CPA6: variants seen among roughly 807,000 people sequenced by gnomAD.
CPA6 encodes the protein carboxypeptidase B.
CPA6 carries 58 observed loss-of-function variants against 63.3 expected under a neutral mutation model. The observed-to-expected ratio is 0.92, with a 90% CI of 0.74 to 1.14. CPA6 has a LOEUF of 1.14. Among genes scored for constraint, CPA6 ranks in the 50% most tolerant of loss-of-function variants. The pLI, the probability that CPA6 is intolerant of heterozygous loss-of-function variation, is 0.00. For missense variants in CPA6, 565 were observed against 526.6 expected (o/e 1.07, Z -0.71); for synonymous variants, 185 against 179.0 (o/e 1.03, Z -0.27).
intron 2 of CPA6, among the ~76,000 whole-genome samples, chr8:67,549,193 A>C (rs1190925195): frequency 6.6e-6 from 1 of 152,218 alleles, no homozygotes; most frequent in East Asian, 1.9e-4. Context: ...AAATAATCAG[A>C]AATATACTGA....
intron 1 of CPA6, among the ~76,000 whole-genome samples, chr8:67,713,092 T>G (rs1817299604): frequency 1.0e-5 from 1 of 95,898 alleles, no homozygotes. Context: ...TATGTGTGTG[T>G]GTGTGTGTAT....
intron 2 of CPA6, among the ~76,000 whole-genome samples, chr8:67,588,051 A>G (rs1390318188): frequency 6.6e-6 from 1 of 152,170 alleles, no homozygotes; most frequent in Non-Finnish European, 1.5e-5. Flanking sequence ...TTCATCTTAA[A>G]GCAGAAGCCT....
At chr8:67,491,671 C>G (rs1324292391) in intron 6 of CPA6, among the ~76,000 whole-genome samples, 2 of 152,120 alleles carry the variant, frequency 1.3e-5, no homozygotes, top group Non-Finnish European at 2.9e-5. Context: ...GCCAGGACAA[C>G]TTTGGTATTG....
chr8:67,437,351 C>T (rs1178647139), intron 8 of CPA6, among the ~76,000 whole-genome samples: 2 of 152,016 alleles, frequency 1.3e-5, no homozygotes, highest in African/African-American at 4.8e-5. Context: ...GCGGAGCTTG[C>T]GCCACCGCAC....
chr8:67,545,563 CTTTTTTTT>C (rs35213871), intron 2 of CPA6, among the ~76,000 whole-genome samples: 1 of 80,476 alleles, frequency 1.2e-5, no homozygotes, highest in Non-Finnish European at 2.5e-5. Context: ...GCTACTGTTA[CTTTTTTTT>C]TTTTTTTTTT....
At chr8:67,475,824 TTTC>T (rs1811183626) in intron 8 of CPA6, among the ~76,000 whole-genome samples, 1 of 33,224 alleles carries the variant, frequency 3.0e-5, no homozygotes, top group African/African-American at 1.6e-4. Flanking sequence ...TTTCCTTTCT[TTTC>T]TTTCTTTCTT....
At chr8:67,496,562 T>C (rs1340907742) in intron 6 of CPA6, among the ~76,000 whole-genome samples, 18 of 127,790 alleles carry the variant, frequency 1.4e-4, no homozygotes, top group African/African-American at 4.3e-4. Flanking sequence ...TATATATTTA[T>C]TTTATTTTTT....
intron 1 of CPA6, among the ~76,000 whole-genome samples, chr8:67,721,908 G>A (rs1817508366): frequency 6.6e-6 from 1 of 152,168 alleles, no homozygotes; most frequent in Admixed American, 6.5e-5. Flanking sequence ...AGATGTAAAT[G>A]GACTGTAACC....
intron 1 of CPA6, among the ~76,000 whole-genome samples, chr8:67,662,207 T>G (rs1222867096): frequency 6.6e-6 from 1 of 152,174 alleles, no homozygotes; most frequent in East Asian, 1.9e-4. Context: ...TATCTCCTGA[T>G]GGCTTCTATT....
intron 6 of CPA6, among the ~76,000 whole-genome samples, chr8:67,494,348 A>G (rs1282210941): frequency 6.6e-6 from 1 of 152,022 alleles, no homozygotes; most frequent in Non-Finnish European, 1.5e-5. Flanking sequence ...TGTCTTCTTT[A>G]CTTGGAAATC....
In CPA6 at chr8:67,602,688, T is replaced by C. The variant is rs78839160; in HGVS notation, c.192+21488A>G. Among the ~76,000 whole-genome samples, 147 of 152,196 alleles carry C rather than the reference T, an allele frequency of 9.7e-4. 4 individuals are homozygous for C. In the East Asian group the frequency reaches 0.021, roughly 22 times the overall value. On this transcript the variant is annotated intron_variant, in intron 2 of 10. Transcript: ENST00000297770. ...TAGAGAAATATAAATAAAACCAAAA[T>C]TGGAACACAACTGCTGAACTTGGAG...
At chr8:67,559,852 A>AATATAT (rs71554612) in intron 2 of CPA6, among the ~76,000 whole-genome samples, 3,410 of 147,900 alleles carry the variant, frequency 0.023, 119 homozygotes, top group African/African-American at 0.068. Context: ...AGTTGGACAA[A>AATATAT]ATATATATAT....
chr8:67,564,656 CTA>C (rs938139491), intron 2 of CPA6, among the ~76,000 whole-genome samples: 46 of 152,228 alleles, frequency 3.0e-4, no homozygotes, highest in African/African-American at 1.0e-3. Context: ...AGAAAAATGT[CTA>C]TGTTTCCAGC....
chr8:67,658,232 G>C (rs1248711541), intron 1 of CPA6, among the ~76,000 whole-genome samples: 1 of 152,132 alleles, frequency 6.6e-6, no homozygotes, highest in Non-Finnish European at 1.5e-5. Flanking sequence ...CCACTGCTTT[G>C]TGTATCATAA....
intron 1 of CPA6, among the ~76,000 whole-genome samples, chr8:67,671,158 G>A (rs752703164): frequency 3.3e-5 from 5 of 152,196 alleles, no homozygotes; most frequent in East Asian, 1.9e-4. Flanking sequence ...GCTCTGTCAC[G>A]TCGTCAGCCT....
At chr8:67,524,788 C>T (rs1812328719) in intron 2 of CPA6, among the ~76,000 whole-genome samples, 4 of 152,092 alleles carry the variant, frequency 2.6e-5, no homozygotes, top group Admixed American at 2.6e-4. Flanking sequence ...TATATCCTCT[C>T]TCCAAGATTT....
At chr8:67,549,026 G>A (rs940660812) in intron 2 of CPA6, among the ~76,000 whole-genome samples, 15 of 152,134 alleles carry the variant, frequency 9.9e-5, no homozygotes, top group African/African-American at 3.6e-4. Flanking sequence ...AAATTGCATG[G>A]TGTTTAGGAT....
intron 3 of CPA6, 109 bp downstream of exon 3, chr8:67,517,814 T>C: frequency 5.1e-6 from 6 of 1,174,644 alleles, no homozygotes; most frequent in Admixed American, 5.3e-5. Context: ...ATATGAAAAA[T>C]TGTACCCAAA....
intron 1 of CPA6, among the ~76,000 whole-genome samples, chr8:67,717,079 TTTC>T (rs1563406165): frequency 6.6e-6 from 1 of 152,196 alleles, no homozygotes; most frequent in Non-Finnish European, 1.5e-5. Context: ...CAAAAAGGAA[TTTC>T]TTATTTCTTC....
Sources: gnomAD v4.1 joint callset for allele counts (sites outside exome capture counted in the v4.1 genomes callset) on GRCh38, gnomAD v4.1.1 for gene constraint, MANE v1.5 for transcripts, NCBI Gene and HGNC (gene_info 2026-07-23, HGNC 2026-07-21) for gene names.